Variants in CSMD2 observed in about 807,000 individuals in gnomAD.
CSMD2 encodes the protein CUB and sushi domain-containing protein 2.
Under a neutral mutation model 398.5 loss-of-function variants are expected in CSMD2, and 130 were observed. The ratio of observed to expected loss-of-function variants is 0.33; its 90% CI spans 0.28 to 0.38. CSMD2 has a LOEUF of 0.38. CSMD2 is among the 10% of genes least tolerant of loss of function. The pLI, the probability that CSMD2 is intolerant of heterozygous loss-of-function variation, is 1.00. For missense variants in CSMD2, 3,829 were observed against 4,764.9 expected, an observed-to-expected ratio of 0.80 and a Z score of 5.78; for synonymous variants, 1,828 against 1,908.5, an observed-to-expected ratio of 0.96 and a Z score of 1.10.
chr1:34,106,181 G>C (rs968410677), intron 1 of CSMD2, among the ~76,000 whole-genome samples: 53 of 152,146 alleles, frequency 3.5e-4, no homozygotes, highest in Admixed American at 7.9e-4. Context: ...GTAGGAGACA[G>C]ACATGGCCCA....
chr1:33,673,487 G>A (rs751717956), intron 25 of CSMD2, among the ~76,000 whole-genome samples: 53 of 152,196 alleles, frequency 3.5e-4, no homozygotes, highest in Admixed American at 1.0e-3. Context: ...ACGTCTGATC[G>A]GTGTACCTGA....
At chr1:33,640,251 AGGGT>A (rs1374430993) in intron 29 of CSMD2, among the ~76,000 whole-genome samples, 2 of 152,190 alleles carry the variant, frequency 1.3e-5, no homozygotes, top group Admixed American at 1.3e-4. Context: ...CTGGTTACAA[AGGGT>A]GGATTAGGGC....
intron 6 of CSMD2, chr1:33,839,242 G>A (rs185222403): frequency 6.6e-6 from 1 of 152,316 alleles, no homozygotes; most frequent in East Asian, 1.9e-4. Context: ...GCAGTTAATT[G>A]TACCCACCTT....
chr1:33,537,363 A>G lies in CSMD2; in HGVS notation c.9805+73T>C. 3.7e-6 allele frequency: 5 copies of G among 1,350,952 alleles called. No individual in the cohort carries two copies. The highest frequency in any genetic ancestry group is 5.1e-6 in the Non-Finnish European group (5 of 971,250). 83.7% of individuals were successfully genotyped at this position (1,350,952 alleles called of 1,614,324 possible). A position where few individuals can be genotyped will look rare whatever the true frequency, so the allele number is the denominator to read the frequency against. ...ACCACTGAAGACAGGGAAGGAAAGT[A>G]ATCATCTCAGGCCCAAAAGAAGGTC... On this transcript the variant is annotated intron_variant, in intron 61 of 70. Coordinates refer to ENST00000373381, the MANE Select transcript of CSMD2 (RefSeq NM_001281956.2). This position sits in a 1 kb window ranked among gnomAD's most constrained non-coding sequence, Gnocchi z 4.6.
chr1:33,590,636 T>C lies in CSMD2; in HGVS notation c.6857-3468A>G, dbSNP rs201853813. Among the ~76,000 whole-genome samples the C allele has an allele frequency of 9.9e-3, 775 of 78,134 alleles. 23 individuals are homozygous for C. In the East Asian group the frequency reaches 0.17, roughly 17 times the overall value. 51.3% of individuals were successfully genotyped at this position (78,134 alleles called of 152,430 possible). On this transcript the variant is annotated intron_variant, in intron 44 of 70. Transcript: ENST00000373381. ...ACACACACACACACACACACACACATATACTCTTACCACATTGATGGTATC... is the reference window on the plus strand; with the variant it reads ...ACACACACACACACACACACACACACATACTCTTACCACATTGATGGTATC...
At chr1:33,551,802 G>A (rs1027857616) in intron 55 of CSMD2, among the ~76,000 whole-genome samples, 1 of 152,196 alleles carries the variant, frequency 6.6e-6, no homozygotes, top group Non-Finnish European at 1.5e-5. Context: ...AAAACATGGT[G>A]GAAGTGATGT....
intron 19 of CSMD2, among the ~76,000 whole-genome samples, chr1:33,722,637 C>T (rs1571343205): frequency 6.6e-6 from 1 of 151,602 alleles, no homozygotes; most frequent in Non-Finnish European, 1.5e-5. Flanking sequence ...TTTTAAAGAA[C>T]TCTTTGTGTG....
At chr1:34,101,989 T>C (rs1202261696) in intron 1 of CSMD2, among the ~76,000 whole-genome samples, 3 of 152,146 alleles carry the variant, frequency 2.0e-5, no homozygotes, top group Non-Finnish European at 2.9e-5. Context: ...TACCTGGTTG[T>C]GTGCTTTTTG....
chr1:33,706,211 G>A (rs1043947464), intron 22 of CSMD2, among the ~76,000 whole-genome samples: 7 of 151,974 alleles, frequency 4.6e-5, no homozygotes, highest in Non-Finnish European at 8.8e-5. Context: ...TTCGTGCTAT[G>A]TTATTTGGCA....
At chr1:33,726,469 C>T in intron 16 of CSMD2, 78 bp downstream of exon 16, 1 of 1,491,640 alleles carries the variant, frequency 6.7e-7, no homozygotes, top group Non-Finnish European at 9.1e-7. Context: ...GGTCCCCTAT[C>T]CACCCTGCAT....
At chr1:33,825,241 T>TGGAG (rs1658658250) in intron 7 of CSMD2, among the ~76,000 whole-genome samples, 1 of 152,064 alleles carries the variant, frequency 6.6e-6, no homozygotes, top group South Asian at 2.1e-4. Context: ...CAGGGGCCCT[T>TGGAG]GGAGGAGGTT....
At chr1:34,080,921 GGAAAGAAAGAAAGAAAGAAAGAAA>G (rs10522397) in intron 2 of CSMD2, among the ~76,000 whole-genome samples, 33,149 of 125,132 alleles carry the variant, frequency 0.26, 4,090 homozygotes, top group Admixed American at 0.38. Flanking sequence ...CTAACTGAGT[GGAAAGAAAGAAAGAAAGAAAGAAA>G]GAAAGAAAGA....
chr1:33,879,663 C>T (rs1003118732), intron 5 of CSMD2, among the ~76,000 whole-genome samples: 5 of 152,196 alleles, frequency 3.3e-5, no homozygotes, highest in African/African-American at 9.7e-5. Context: ...CTGCTCTAAC[C>T]ACCACCACTA....
intron 38 of CSMD2, among the ~76,000 whole-genome samples, 163 bp from the exon 39 acceptor site, chr1:33,617,138 G>C (rs1641445544): frequency 6.6e-6 from 1 of 152,220 alleles, no homozygotes; most frequent in African/African-American, 2.4e-5. Context: ...TAGAGGGAGA[G>C]AGAATTTGGG....
chr1:33,850,353 C>T (rs1638618312), intron 5 of CSMD2, among the ~76,000 whole-genome samples: 1 of 152,164 alleles, frequency 6.6e-6, no homozygotes, highest in Non-Finnish European at 1.5e-5. Context: ...CACTGTACCA[C>T]CTGGCTGCAC....
chr1:33,836,529 C>T (rs1660285931), intron 6 of CSMD2, among the ~76,000 whole-genome samples: 2 of 152,212 alleles, frequency 1.3e-5, no homozygotes, highest in Admixed American at 1.3e-4. Flanking sequence ...AGCTTCCCAG[C>T]CGCTTTGTTT....
intron 12 of CSMD2, among the ~76,000 whole-genome samples, chr1:33,787,789 AG>A (rs1179161107): frequency 3.9e-5 from 6 of 152,208 alleles, no homozygotes; most frequent in African/African-American, 1.4e-4. Context: ...AGTGGTCAGA[AG>A]GGTGATGTTG....
chr1:33,706,799 TGCGC>T (rs1038113383), intron 22 of CSMD2, among the ~76,000 whole-genome samples: 3 of 151,412 alleles, frequency 2.0e-5, no homozygotes, highest in Admixed American at 6.6e-5. Context: ...TGTGTGTGTG[TGCGC>T]GTGCATGTGT....
At chr1:34,139,134 C>A (rs2148519400) in intron 1 of CSMD2, among the ~76,000 whole-genome samples, 1 of 152,300 alleles carries the variant, frequency 6.6e-6, no homozygotes, top group East Asian at 1.9e-4. Context: ...AACTTAATCC[C>A]CAAAGTGGCA....
Sources: allele counts gnomAD v4.1 joint callset (sites outside exome capture counted in the v4.1 genomes callset), GRCh38; gene constraint gnomAD v4.1.1; non-coding constraint Gnocchi (gnomAD v3.1); transcripts MANE v1.5; gene names NCBI Gene and HGNC (gene_info 2026-07-23, HGNC 2026-07-21).